The following ZNF548 variants were observed in gnomAD, a reference collection of about 807,000 sequenced individuals.
ZNF548 encodes zinc finger protein 548.
A neutral mutation model predicts 10.2 loss-of-function variants in ZNF548; 10 were observed. The ratio of observed to expected loss-of-function variants is 0.98; its 90% confidence interval spans 0.60 to 1.66. The LOEUF is 1.66. Ranked by LOEUF, ZNF548 falls within the 40% of genes most tolerant of loss-of-function variation. ZNF548 has a pLI of 0.00. For missense variants in ZNF548, 599 were observed against 657.0 expected, an observed-to-expected ratio of 0.91 and a Z score of 0.97; for synonymous variants, 217 against 223.5, an observed-to-expected ratio of 0.97 and a Z score of 0.26.
chr19:57,393,906 G>T, intron 1 of ZNF548: 1 of 483,486 alleles, frequency 2.1e-6, no homozygotes, highest in Non-Finnish European at 3.6e-6. Flanking sequence ...TTGGACCATA[G>T]CCGCTGATAT....
intron 1 of ZNF548, 131 bp from the exon 2 acceptor site, chr19:57,394,057 G>A: frequency 1.1e-6 from 1 of 950,994 alleles, no homozygotes; most frequent in Non-Finnish European, 1.6e-6. Context: ...GCAGCACTGA[G>A]GCCTGAGGAA....
At chr19:57,390,202 T>G in intron 1 of ZNF548, 88 bp downstream of exon 1, 1 of 1,463,832 alleles carries the variant, frequency 6.8e-7, no homozygotes, top group Non-Finnish European at 9.3e-7. Flanking sequence ...AGGCCCCTTG[T>G]CCCGAAGAGA....
In ZNF548 at chr19:57,400,160, C is replaced by T. The variant is rs2088703784; in HGVS notation, c.*271C>T. On this transcript the variant is annotated 3_prime_UTR_variant, in exon 4 of 4. Transcript: ENST00000336128. ...TATCTTTTGAGACTGGCTTATTTCACTTAGGATAAGGTCTTCACGGTTCAC... is the reference window on the plus strand; with the variant it reads ...TATCTTTTGAGACTGGCTTATTTCATTTAGGATAAGGTCTTCACGGTTCAC... 1 of 358,530 alleles carries T rather than the reference C, an allele frequency of 2.8e-6. No homozygotes were observed. Among genetic ancestry groups the T allele is most frequent in the East Asian group, 4.4e-5 (1 of 22,600 alleles). 22.2% of individuals were successfully genotyped at this position (358,530 alleles called of 1,614,324 possible). A position where few individuals can be genotyped will look rare whatever the true frequency, so the allele number is the denominator to read the frequency against.
chr19:57,400,245 A>G lies in ZNF548; in HGVS notation c.*356A>G, dbSNP rs374542705. 451 of 196,648 alleles carry G rather than the reference A, an allele frequency of 2.3e-3. 2 individuals carry two copies. The highest frequency in any genetic ancestry group is 9.7e-3 in the African/African-American group (417 of 42,942). The allele number at this position is 196,648 out of a possible 1,614,324, so 12.2% of individuals were successfully genotyped here. A position where few individuals can be genotyped will look rare whatever the true frequency, so the allele number is the denominator to read the frequency against. ...TTTAGGTGAAATAATATTCTATGGT[A>G]TTTATATACCACATTTATTTATCCA... On this transcript the variant is annotated 3_prime_UTR_variant, in exon 4 of 4. Coordinates refer to ENST00000336128, the MANE Select transcript of ZNF548 (RefSeq NM_001172773.2).
rs2088650273 is a variant in ZNF548 at position 57,394,328 on chromosome 19, G to A, written c.51+105G>A. 1.4e-5 allele frequency: 17 copies of A among 1,236,394 alleles called. No homozygotes were observed. The Admixed American group carries it at 3.9e-4, about 29-fold the overall frequency. 76.6% of individuals were successfully genotyped at this position (1,236,394 alleles called of 1,614,324 possible). A position where few individuals can be genotyped will look rare whatever the true frequency, so the allele number is the denominator to read the frequency against. Reference sequence around the variant, plus strand: ...TGTCTTTCTCTTATGTCTGAAGGGTGAGTGGTTTCACCAGTTAGTTTCAGT... The same window carrying A: ...TGTCTTTCTCTTATGTCTGAAGGGTAAGTGGTTTCACCAGTTAGTTTCAGT... On this transcript the variant is annotated intron_variant, in intron 2 of 3. Transcript: ENST00000336128.
Position 57,390,060 on chromosome 19 carries a change from G to T in ZNF548, c.-40G>T. 1 of 1,606,560 alleles carries T rather than the reference G, an allele frequency of 6.2e-7. No homozygotes were observed. Among genetic ancestry groups the T allele is most frequent in the Non-Finnish European group, 8.5e-7 (1 of 1,178,424 alleles). ...TCCTTGTCTTGCCTTTGTCGCTCCC[G>T]CCCCGCTCTTCCCTGGCTGGGCTGG... On this transcript the variant is annotated 5_prime_UTR_variant, in exon 1 of 4. Transcript: ENST00000336128.
Position 57,394,236 on chromosome 19 carries a change from T to A in ZNF548, c.51+13T>A. 1.2e-6 allele frequency: 2 copies of A among 1,601,134 alleles called. No homozygotes were observed. The highest frequency in any genetic ancestry group is 1.7e-6 in the Non-Finnish European group (2 of 1,178,552). ...GGACCCTACACAGGTGAGTAGAGTG[T>A]TTCCTACTATTCACCCACCCTGGTT... On this transcript the variant is annotated intron_variant, in intron 2 of 3. Transcript: ENST00000336128.
chr19:57,400,437 T>TG lies in ZNF548; in HGVS notation c.*548_*549insG, dbSNP rs952669520. 24 of 152,464 alleles carry TG rather than the reference T, an allele frequency of 1.6e-4. 1 individual carries two copies. The highest frequency in any genetic ancestry group is 2.6e-4 in the Admixed American group (4 of 15,302). The allele number at this position is 152,464 out of a possible 1,614,324, so 9.4% of individuals were successfully genotyped here. On this transcript the variant is annotated 3_prime_UTR_variant, in exon 4 of 4. Coordinates refer to ENST00000336128, the MANE Select transcript of ZNF548 (RefSeq NM_001172773.2). ...ATCATATAGGATTTCTATTTTTTTTTTTTGTTTGTTTTTGAGACAGAGTCT... is the reference window on the plus strand; with the variant it reads ...ATCATATAGGATTTCTATTTTTTTTTGTTTGTTTGTTTTTGAGACAGAGTCT...
rs889850267 is a variant in ZNF548 at position 57,395,608 on chromosome 19, C to T, written c.51+1385C>T. Among the ~76,000 whole-genome samples, 3 of 152,118 alleles carry T rather than the reference C, an allele frequency of 2.0e-5. No individual in the cohort carries two copies. The highest frequency in any genetic ancestry group is 4.4e-5 in the Non-Finnish European group (3 of 68,022). On this transcript the variant is annotated intron_variant, in intron 2 of 3. Transcript: ENST00000336128. The surrounding 1 kb of genome is among the most constrained non-coding windows in gnomAD (Gnocchi z 4.8). ...GGAAGAGCCAAACACTTTTAAACAA[C>T]CAGATCTCGTGAGAACTTACTATTA... is the stretch of plus-strand genomic sequence containing the variant.
At position 57,400,665 on chromosome 19, in the gene ZNF548, C is replaced by T. The variant is rs547033017; in HGVS notation, c.*776C>T. On this transcript the variant is annotated 3_prime_UTR_variant, in exon 4 of 4. Coordinates refer to ENST00000336128, the MANE Select transcript of ZNF548 (RefSeq NM_001172773.2). ...AGCCAGGATGGTCCTGATCTCCTGACCTTGTGATCTGCCTGCCTTGGCCTC... is the reference window on the plus strand; with the variant it reads ...AGCCAGGATGGTCCTGATCTCCTGATCTTGTGATCTGCCTGCCTTGGCCTC... 5.9e-5 allele frequency: 9 copies of T among 152,208 alleles called. No homozygotes were observed. The highest frequency in any genetic ancestry group is 1.3e-4 in the Non-Finnish European group (9 of 68,074). 9.4% of individuals were successfully genotyped at this position (152,208 alleles called of 1,614,324 possible).
At position 57,395,168 on chromosome 19, in the gene ZNF548, T is replaced by C. The variant is rs1053823289; in HGVS notation, c.51+945T>C. On this transcript the variant is annotated intron_variant, in intron 2 of 3. Transcript: ENST00000336128. This position sits in a 1 kb window ranked among gnomAD's most constrained non-coding sequence, Gnocchi z 4.8. The stretch of plus-strand genomic sequence containing the variant: ...GAATGGGGCATGAGAACTGGGTCTC[T>C]TACTGGGTAGCTGTGCAGTGGTGGA... Among the ~76,000 whole-genome samples, 4 of 151,882 alleles carry C rather than the reference T, an allele frequency of 2.6e-5. No homozygotes were observed. Among genetic ancestry groups the C allele is most frequent in the Non-Finnish European group, 4.4e-5 (3 of 67,986 alleles).
In ZNF548 at chr19:57,389,890, G is replaced by C. The variant is rs1445557691; in HGVS notation, c.-210G>C. ...CGTCCTCCTGGTGGTGGTCGTTTTG[G>C]TTCTGTGTGGTGTTTCACCAACTTC... On this transcript the variant is annotated 5_prime_UTR_variant, in exon 1 of 4. Transcript: ENST00000336128. 3 of 534,552 alleles carry C rather than the reference G, an allele frequency of 5.6e-6. No homozygotes were observed. Among genetic ancestry groups the C allele is most frequent in the Non-Finnish European group, 6.5e-6 (2 of 308,620 alleles). The allele number at this position is 534,552 out of a possible 1,614,324, so 33.1% of individuals were successfully genotyped here.
Position 57,395,435 on chromosome 19 carries a change from G to A in ZNF548, c.51+1212G>A, listed in dbSNP as rs140292600. Among the ~76,000 whole-genome samples the A allele has an allele frequency of 1.5e-3, 225 of 152,210 alleles. No individual in the cohort carries two copies. Among genetic ancestry groups the A allele is most frequent in the African/African-American group, 5.1e-3 (210 of 41,522 alleles). ...TACCTGAGACTGGGTAATTTATGAAGAAAAGAGGTTTAACCAACTCACAGT... is the reference window on the plus strand; with the variant it reads ...TACCTGAGACTGGGTAATTTATGAAAAAAAGAGGTTTAACCAACTCACAGT... On this transcript the variant is annotated intron_variant, in intron 2 of 3. Transcript: ENST00000336128. This position sits in a 1 kb window ranked among gnomAD's most constrained non-coding sequence, Gnocchi z 4.8.
In ZNF548 at chr19:57,398,349, G is replaced by A. The variant is rs903799840; in HGVS notation, c.179-81G>A. ...CAATCCCATGGCCTTATTTGTGTGT[G>A]TGCCTGACACACATTTGTGATGGAG... On this transcript the variant is annotated intron_variant, in intron 3 of 3. Transcript: ENST00000336128. The A allele has an allele frequency of 7.0e-6, 11 of 1,565,168 alleles. No individual in the cohort carries two copies. The African/African-American group carries it at 1.5e-4, about 21-fold the overall frequency.
In ZNF548 at chr19:57,398,758, G is replaced by C; in HGVS notation, c.507G>C (p.Glu169Asp). The C allele has an allele frequency of 6.2e-7, 1 of 1,614,054 alleles. No homozygotes were observed. The highest frequency in any genetic ancestry group is 8.5e-7 in the Non-Finnish European group (1 of 1,179,922). The change falls in exon 4 of 4, where the codon GAG (glutamate) becomes GAC (aspartate). Residue 169 changes from glutamate to aspartate, a missense_variant. Physicochemically the swap from Glu to Asp is conservative, Grantham distance 45. Transcript: ENST00000336128. ...HMAEEIFTCM[E>D]GWKDLPATSC... The stretch of plus-strand genomic sequence containing the variant: ...CAGAGGAGATCTTCACATGCATGGA[G>C]GGCTGGAAGGACTTACCAGCCACCT...
At chr19:57,391,722 AT>A (rs1211684430) in intron 1 of ZNF548, among the ~76,000 whole-genome samples, 4 of 147,394 alleles carry the variant, frequency 2.7e-5, no homozygotes, top group South Asian at 4.3e-4. Context: ...GATGTTGAGC[AT>A]TTTTTTATAT....
rs773679175 is a variant in ZNF548, at chr19:57,399,488, T to A, written c.1237T>A (p.Ser413Thr). 1.2e-6 allele frequency: 2 copies of A among 1,612,188 alleles called. No homozygotes were observed. Among genetic ancestry groups the A allele is most frequent in the South Asian group, 2.2e-5 (2 of 90,968 alleles). Residue 413 changes from serine to threonine, a missense_variant, in exon 4 of 4, where the codon TCA becomes ACA. Physicochemically the swap from Ser to Thr is moderately conservative, Grantham distance 58. Transcript: ENST00000336128. This position sits in a 1 kb window ranked among gnomAD's most constrained non-coding sequence, Gnocchi z 4.0. The part of the protein sequence containing the change: ...RPYKCSECGK[S>T]FRYHCRLIRH... ...TTATAAATGCAGTGAATGTGGGAAATCATTTAGGTACCACTGCAGGCTCAT... is the reference window on the plus strand; with the variant it reads ...TTATAAATGCAGTGAATGTGGGAAAACATTTAGGTACCACTGCAGGCTCAT...
chr19:57,398,397 A>G (rs1173913022), intron 3 of ZNF548, 33 bp from the exon 4 acceptor site: 5 of 1,602,348 alleles, frequency 3.1e-6, no homozygotes, highest in Admixed American at 3.4e-5. Context: ...ACCAGAGTCA[A>G]CATGCACTTC....
rs2088704086 is a variant in ZNF548, at chr19:57,400,188, A to G, written c.*299A>G. On this transcript the variant is annotated 3_prime_UTR_variant, in exon 4 of 4. Coordinates refer to ENST00000336128, the MANE Select transcript of ZNF548 (RefSeq NM_001172773.2). ...AGGATAAGGTCTTCACGGTTCACCCATGTTGTATAATGTGTCAGAATATCC... is the reference window on the plus strand; with the variant it reads ...AGGATAAGGTCTTCACGGTTCACCCGTGTTGTATAATGTGTCAGAATATCC... 7.4e-6 allele frequency: 2 copies of G among 270,876 alleles called. No individual in the cohort carries two copies. The highest frequency in any genetic ancestry group is 1.4e-5 in the Non-Finnish European group (2 of 143,742). 16.8% of individuals were successfully genotyped at this position (270,876 alleles called of 1,614,324 possible).
Sources: allele counts gnomAD v4.1 joint callset (sites outside exome capture counted in the v4.1 genomes callset), GRCh38; gene constraint gnomAD v4.1.1; non-coding constraint Gnocchi (gnomAD v3.1); transcripts MANE v1.5; gene names NCBI Gene and HGNC (gene_info 2026-07-23, HGNC 2026-07-21).